Variants in ADGRB3 observed in about 807,000 individuals in gnomAD.
ADGRB3 encodes brain-specific angiogenesis inhibitor 3.
In ADGRB3, 37 loss-of-function variants were observed where a neutral mutation model predicts 193.4. The observed-to-expected ratio is 0.19, with a 90% confidence interval of 0.15 to 0.25. The LOEUF is 0.25. ADGRB3 is among the 10% of genes least tolerant of loss of function. The pLI, the probability that ADGRB3 is intolerant of heterozygous loss-of-function variation, is 1.00. For missense variants in ADGRB3, 1,637 were observed against 1,852.9 expected (o/e 0.88, Z 2.14); for synonymous variants, 690 against 644.2 (o/e 1.07, Z -1.08).
intron 3 of ADGRB3, among the ~76,000 whole-genome samples, chr6:68,785,018 T>G (rs1196607640): frequency 6.6e-6 from 1 of 152,084 alleles, no homozygotes; most frequent in African/African-American, 2.4e-5. Flanking sequence ...TTATGGATAA[T>G]AACCATATGA....
At chr6:69,252,837 C>T (rs1386039544) in intron 20 of ADGRB3, among the ~76,000 whole-genome samples, 1 of 152,010 alleles carries the variant, frequency 6.6e-6, no homozygotes, top group Non-Finnish European at 1.5e-5. Flanking sequence ...TATGACTCCA[C>T]CATAAAAGAT....
intron 17 of ADGRB3, among the ~76,000 whole-genome samples, chr6:69,211,152 T>C (rs1026330196): frequency 6.6e-6 from 1 of 151,962 alleles, no homozygotes; most frequent in African/African-American, 2.4e-5. Context: ...AAGCAGAAGT[T>C]GTGTATGTGA....
chr6:68,666,853 A>G (rs1768814191), intron 3 of ADGRB3, among the ~76,000 whole-genome samples: 1 of 151,748 alleles, frequency 6.6e-6, no homozygotes, highest in African/African-American at 2.4e-5. Flanking sequence ...TTTAGTGGCC[A>G]ATGATTGAGA....
At chr6:68,967,511 T>C (rs1768417994) in intron 8 of ADGRB3, among the ~76,000 whole-genome samples, 1 of 152,064 alleles carries the variant, frequency 6.6e-6, no homozygotes, top group Non-Finnish European at 1.5e-5. Context: ...GAAACATCTT[T>C]TGACTAATTT....
At chr6:68,845,286 TA>T (rs1768251994) in intron 3 of ADGRB3, among the ~76,000 whole-genome samples, 1 of 152,088 alleles carries the variant, frequency 6.6e-6, no homozygotes, top group Admixed American at 6.6e-5. Flanking sequence ...ACACAGAAGA[TA>T]AAACCATTTG....
intron 3 of ADGRB3, among the ~76,000 whole-genome samples, chr6:68,742,517 G>C (rs763406508): frequency 5.9e-5 from 9 of 152,044 alleles, no homozygotes; most frequent in Non-Finnish European, 1.0e-4. Flanking sequence ...TTTAAAATTT[G>C]GATTAGAAAT....
chr6:69,027,063 C>G (rs867717461), intron 13 of ADGRB3, among the ~76,000 whole-genome samples: 77 of 152,252 alleles, frequency 5.1e-4, no homozygotes, highest in Admixed American at 5.9e-4. Flanking sequence ...AACTGCAACT[C>G]TTTTACTTTA....
intron 8 of ADGRB3, among the ~76,000 whole-genome samples, chr6:68,972,076 T>C (rs1348737054): frequency 6.6e-6 from 1 of 152,204 alleles, no homozygotes; most frequent in Non-Finnish European, 1.5e-5. Context: ...AGTGTGGGAA[T>C]GTGTGGTTAT....
chr6:68,826,332 T>C (rs1425317816), intron 3 of ADGRB3, among the ~76,000 whole-genome samples: 1 of 151,976 alleles, frequency 6.6e-6, no homozygotes, highest in African/African-American at 2.4e-5. Flanking sequence ...GAAGAAAGAA[T>C]TGAAGAAGGT....
At chr6:69,059,984 C>T (rs949842498) in intron 15 of ADGRB3, among the ~76,000 whole-genome samples, 22 of 151,860 alleles carry the variant, frequency 1.4e-4, no homozygotes, top group Admixed American at 1.4e-3. Flanking sequence ...ATCTTGCTCT[C>T]ATTGAGCTTA....
chr6:69,115,302 G>A (rs907778703), intron 17 of ADGRB3, among the ~76,000 whole-genome samples: 1 of 152,180 alleles, frequency 6.6e-6, no homozygotes, highest in African/African-American at 2.4e-5. Context: ...GCAGGTACAT[G>A]GATGAAGCTG....
intron 3 of ADGRB3, among the ~76,000 whole-genome samples, chr6:68,721,890 G>T (rs1448075935): frequency 3.3e-5 from 5 of 150,708 alleles, no homozygotes; most frequent in Admixed American, 2.7e-4. Flanking sequence ...TTAGAAATGT[G>T]GATTAAGCAT....
chr6:68,844,838 G>T (rs771864275), intron 3 of ADGRB3, among the ~76,000 whole-genome samples: 2 of 152,126 alleles, frequency 1.3e-5, no homozygotes, highest in South Asian at 4.1e-4. Flanking sequence ...GGAACTGGAG[G>T]TCATTAGGTT....
chr6:68,956,768 C>G lies in ADGRB3; in HGVS notation c.1484C>G (p.Thr495Arg). 1 of 1,613,582 alleles carries G rather than the reference C, an allele frequency of 6.2e-7. No homozygotes were observed. Among genetic ancestry groups the G allele is most frequent in the Non-Finnish European group, 8.5e-7 (1 of 1,179,854 alleles). The stretch of plus-strand genomic sequence containing the variant: ...ATAACAGGGCAGCAATGTGAAGGAA[C>G]GGGCGAAGAAGTGAGAAGATGCAAT... ...AVITGQQCEG[T>R]GEEVRRCNEQ... is the part of the protein sequence containing the mutation. The change falls in exon 8 of 32, where the codon ACG (threonine) becomes AGG (arginine). Residue 495 changes from threonine to arginine, a missense_variant. Transcript: ENST00000370598.
chr6:68,949,919 C>T (rs1562097297), intron 6 of ADGRB3, among the ~76,000 whole-genome samples: 1 of 152,032 alleles, frequency 6.6e-6, no homozygotes, highest in South Asian at 2.1e-4. Flanking sequence ...CTTAGCCTTA[C>T]CATTATCATT....
chr6:69,090,849 T>C (rs939354410), intron 17 of ADGRB3, among the ~76,000 whole-genome samples: 5 of 152,226 alleles, frequency 3.3e-5, no homozygotes, highest in African/African-American at 1.2e-4. Context: ...GTTAATGCTA[T>C]AGGGGAAATA....
chr6:69,139,138 T>C (rs1774237261), intron 17 of ADGRB3, among the ~76,000 whole-genome samples: 1 of 152,220 alleles, frequency 6.6e-6, no homozygotes, highest in East Asian at 1.9e-4. Context: ...CTGGTCGCAC[T>C]TGATAGTCCG....
At chr6:68,775,323 A>G (rs534204570) in intron 3 of ADGRB3, among the ~76,000 whole-genome samples, 2 of 152,102 alleles carry the variant, frequency 1.3e-5, no homozygotes, top group African/African-American at 4.8e-5. Context: ...AGGAACAGCA[A>G]ATGTGGCTGC....
At chr6:68,706,240 T>C (rs1428829449) in intron 3 of ADGRB3, among the ~76,000 whole-genome samples, 1 of 152,088 alleles carries the variant, frequency 6.6e-6, no homozygotes, top group Non-Finnish European at 1.5e-5. Flanking sequence ...TTATAGGGTC[T>C]GGGACTTAGA....
Sources: gnomAD v4.1 joint callset for allele counts (sites outside exome capture counted in the v4.1 genomes callset) on GRCh38, gnomAD v4.1.1 for gene constraint, MANE v1.5 for transcripts, NCBI Gene and HGNC (gene_info 2026-07-23, HGNC 2026-07-21) for gene names.